The following HTR1F variants were observed in gnomAD, a reference collection of about 807,000 sequenced individuals.
The protein encoded by HTR1F is 5-hydroxytryptamine (serotonin) receptor 1F, G protein-coupled.
Under a neutral mutation model 24.0 loss-of-function variants are expected in HTR1F, and 17 were observed. The ratio of observed to expected loss-of-function variants is 0.71; its 90% CI spans 0.48 to 1.06. The LOEUF is 1.06. HTR1F is among the 50% of genes least tolerant of loss of function. HTR1F has a pLI of 0.00. For missense variants in HTR1F, 391 were observed against 427.8 expected (o/e 0.91, Z 0.76); for synonymous variants, 186 against 156.8 (o/e 1.19, Z -1.39).
At chr3:87,878,121 G>T (rs952385552) in intron 2 of HTR1F, among the ~76,000 whole-genome samples, 3 of 152,160 alleles carry the variant, frequency 2.0e-5, no homozygotes, top group African/African-American at 7.2e-5. Flanking sequence ...TTGGCTCTGA[G>T]GTAGAAATAA....
chr3:87,883,678 C>T (rs575401613), intron 2 of HTR1F, among the ~76,000 whole-genome samples: 1 of 152,074 alleles, frequency 6.6e-6, no homozygotes, highest in Admixed American at 6.5e-5. Flanking sequence ...AACCATGGCA[C>T]GAGAACTACG....
At chr3:87,813,659 G>C (rs1253606058) in intron 1 of HTR1F, among the ~76,000 whole-genome samples, 1 of 152,134 alleles carries the variant, frequency 6.6e-6, no homozygotes. Flanking sequence ...ATCTCAAATT[G>C]TAATCTCCAC....
intron 2 of HTR1F, among the ~76,000 whole-genome samples, chr3:87,919,729 C>T (rs1045451221): frequency 5.3e-5 from 8 of 151,824 alleles, no homozygotes; most frequent in East Asian, 3.9e-4. Context: ...TAGATGTTGG[C>T]GTGGATGCAG....
chr3:87,797,571 C>T (rs1703925873), intron 1 of HTR1F, among the ~76,000 whole-genome samples: 1 of 151,900 alleles, frequency 6.6e-6, no homozygotes, highest in Admixed American at 6.6e-5. Flanking sequence ...GGAAGATAAA[C>T]TCTGTTTTTA....
chr3:87,846,318 C>A (rs1385185220), intron 2 of HTR1F, among the ~76,000 whole-genome samples: 1 of 151,720 alleles, frequency 6.6e-6, no homozygotes, highest in Non-Finnish European at 1.5e-5. Flanking sequence ...CCTGTAATCC[C>A]AGCTACTTCG....
chr3:87,839,580 TA>T (rs925547694), intron 2 of HTR1F, among the ~76,000 whole-genome samples: 13 of 152,242 alleles, frequency 8.5e-5, no homozygotes, highest in African/African-American at 2.9e-4. Context: ...TATTTTCCTT[TA>T]AAAAAAGTCA....
intron 2 of HTR1F, among the ~76,000 whole-genome samples, chr3:87,865,635 G>A (rs1313907826): frequency 6.6e-6 from 1 of 152,080 alleles, no homozygotes; most frequent in Non-Finnish European, 1.5e-5. Flanking sequence ...CATAAAAATT[G>A]TTTGTATGTA....
chr3:87,889,640 T>C (rs1032146193), intron 2 of HTR1F, among the ~76,000 whole-genome samples: 8 of 152,182 alleles, frequency 5.3e-5, no homozygotes, highest in Admixed American at 4.6e-4. Context: ...AACAAGGCCG[T>C]CTTGCCTGAT....
intron 2 of HTR1F, among the ~76,000 whole-genome samples, chr3:87,824,195 A>G (rs750723810): frequency 2.0e-5 from 3 of 152,118 alleles, no homozygotes; most frequent in Non-Finnish European, 4.4e-5. Context: ...TACTAAATTA[A>G]CTTTTTGATG....
At chr3:87,945,066 T>C (rs1704662921) in intron 2 of HTR1F, among the ~76,000 whole-genome samples, 1 of 152,098 alleles carries the variant, frequency 6.6e-6, no homozygotes, top group Non-Finnish European at 1.5e-5. Flanking sequence ...TTTCTCTCTC[T>C]CTTCTCTGTC....
intron 2 of HTR1F, among the ~76,000 whole-genome samples, chr3:87,876,335 C>T (rs1705672585): frequency 6.6e-6 from 1 of 152,062 alleles, no homozygotes; most frequent in African/African-American, 2.4e-5. Flanking sequence ...TTCACAATAG[C>T]TAGGAAGTGG....
At chr3:87,827,482 T>C (rs1337578028) in intron 2 of HTR1F, among the ~76,000 whole-genome samples, 2 of 152,242 alleles carry the variant, frequency 1.3e-5, no homozygotes, top group African/African-American at 2.4e-5. Context: ...ACTATTTTTA[T>C]ATAATTCTAA....
intron 2 of HTR1F, among the ~76,000 whole-genome samples, chr3:87,961,000 G>GTGCA (rs1705047672): frequency 6.9e-6 from 1 of 144,380 alleles, no homozygotes; most frequent in African/African-American, 2.7e-5. Context: ...TTGGTATGGT[G>GTGCA]CACACACACA....
At chr3:87,935,074 C>T (rs1450283466) in intron 2 of HTR1F, among the ~76,000 whole-genome samples, 3 of 152,156 alleles carry the variant, frequency 2.0e-5, no homozygotes, top group African/African-American at 7.2e-5. Flanking sequence ...CACTACATTG[C>T]CCAGGCTGGT....
intron 1 of HTR1F, among the ~76,000 whole-genome samples, chr3:87,806,673 G>T (rs930839506): frequency 6.6e-6 from 1 of 151,738 alleles, no homozygotes; most frequent in Non-Finnish European, 1.5e-5. Context: ...GTCCAATTTT[G>T]TTTCTGTTGT....
intron 2 of HTR1F, among the ~76,000 whole-genome samples, chr3:87,838,204 G>A (rs1704723145): frequency 2.0e-5 from 3 of 152,132 alleles, no homozygotes; most frequent in Admixed American, 2.0e-4. Flanking sequence ...TGATTATCTG[G>A]AGGAATTGAT....
chr3:87,941,888 C>T lies in HTR1F; in HGVS notation c.-42-48820C>T, dbSNP rs560857212. ...CCACTGTCCATTGGGTTTCTGTACT[C>T]CTAAAATTGGAGTATTGCAGGGGCT... is the stretch of plus-strand genomic sequence containing the variant. On this transcript the variant is annotated intron_variant, in intron 2 of 2. Coordinates refer to ENST00000319595, the MANE Select transcript of HTR1F (RefSeq NM_001322209.2). Among the ~76,000 whole-genome samples the T allele has an allele frequency of 5.3e-5, 8 of 152,174 alleles. No homozygotes were observed. In the South Asian group the frequency reaches 8.3e-4, roughly 16 times the overall value.
intron 2 of HTR1F, among the ~76,000 whole-genome samples, chr3:87,861,570 C>T (rs1705318889): frequency 6.6e-6 from 1 of 152,076 alleles, no homozygotes; most frequent in African/African-American, 2.4e-5. Context: ...ATTTTCTGTG[C>T]TCGTATAGAG....
chr3:87,902,873 T>A (rs1706360604), intron 2 of HTR1F, among the ~76,000 whole-genome samples: 1 of 151,526 alleles, frequency 6.6e-6, no homozygotes, highest in Admixed American at 6.6e-5. Flanking sequence ...CTTGCAACAG[T>A]TTACTGAGAA....
Sources: allele counts gnomAD v4.1 joint callset (sites outside exome capture counted in the v4.1 genomes callset), GRCh38; gene constraint gnomAD v4.1.1; transcripts MANE v1.5; gene names NCBI Gene and HGNC (gene_info 2026-07-23, HGNC 2026-07-21).